Variants in ACACA observed in about 807,000 individuals in gnomAD.
ACACA encodes the protein acetyl-CoA carboxylase alpha.
Under a neutral mutation model 296.1 loss-of-function variants are expected in ACACA, and 103 were observed. That is an observed-to-expected ratio of 0.35 (90% confidence interval 0.30 to 0.41). ACACA has a LOEUF of 0.41. Ranked by LOEUF, ACACA falls within the 10% of genes least tolerant of loss-of-function variation. The probability of loss-of-function intolerance (pLI) is 1.00; values close to 1 mark genes in which losing one functional copy is unlikely to be tolerated. For synonymous variants in ACACA, 953 were observed against 1,038.6 expected (o/e 0.92, Z 1.58); for missense variants, 1,554 against 2,989.7 (o/e 0.52, Z 11.20).
At chr17:37,184,064 C>T (rs1297070261) in intron 39 of ACACA, among the ~76,000 whole-genome samples, 2 of 152,038 alleles carry the variant, frequency 1.3e-5, no homozygotes, top group African/African-American at 2.4e-5. Flanking sequence ...ATTGGTCAGA[C>T]TGGTCTCAAA....
chr17:37,271,483 C>A lies in ACACA; in HGVS notation c.1009-622G>T, dbSNP rs564894401. 5.3e-5 allele frequency among the ~76,000 whole-genome samples: 8 copies of A among 151,992 alleles called. No homozygotes were observed. In the South Asian group the frequency reaches 1.7e-3, roughly 32 times the overall value. On this transcript the variant is annotated intron_variant, in intron 9 of 55. Transcript: ENST00000616317. The stretch of plus-strand genomic sequence containing the variant: ...TGAGCCAAGATCACGCCATTGCACT[C>A]CAGCCTGGGCAACAAGAGCGAAACT...
chr17:37,104,677 C>A (rs2073562158), intron 52 of ACACA, among the ~76,000 whole-genome samples: 1 of 152,164 alleles, frequency 6.6e-6, no homozygotes. Context: ...CACGGTGGGT[C>A]ATGCCTGTAA....
intron 52 of ACACA, among the ~76,000 whole-genome samples, chr17:37,104,573 G>A (rs112708329): frequency 0.033 from 4,977 of 152,228 alleles, 220 homozygotes; most frequent in African/African-American, 0.1. Flanking sequence ...GAAAGTATCC[G>A]CAGCACAGTG....
At chr17:37,087,851 G>A (rs2072322597) in intron 55 of ACACA, among the ~76,000 whole-genome samples, 1 of 152,200 alleles carries the variant, frequency 6.6e-6, no homozygotes, top group African/African-American at 2.4e-5. Flanking sequence ...TGTGGAGGGT[G>A]TGCTGGAGTT....
chr17:37,305,221 T>C (rs904947502), intron 3 of ACACA, among the ~76,000 whole-genome samples: 1 of 152,200 alleles, frequency 6.6e-6, no homozygotes, highest in South Asian at 2.1e-4. Context: ...ATATGAACAA[T>C]TTGGATTCTG....
intron 6 of ACACA, 85 bp from the exon 7 acceptor site, chr17:37,277,199 G>T: frequency 1.7e-6 from 2 of 1,190,448 alleles, no homozygotes; most frequent in Non-Finnish European, 2.5e-6. Context: ...GGCTGGCCCT[G>T]TTTCTTGAGG....
intron 5 of ACACA, among the ~76,000 whole-genome samples, chr17:37,282,711 A>C (rs2082596677): frequency 1.3e-5 from 2 of 152,362 alleles, no homozygotes; most frequent in South Asian, 4.1e-4. Flanking sequence ...GATAGAAGGT[A>C]TGGAGAAGAA....
At chr17:37,389,323 T>C (rs776441260) in intron 1 of ACACA, 2 of 1,594,958 alleles carry the variant, frequency 1.3e-6, no homozygotes, top group East Asian at 4.5e-5. Flanking sequence ...GCCAGCCACC[T>C]GGGACAGCTG....
intron 1 of ACACA, chr17:37,388,039 C>T (rs1264087355): frequency 2.6e-5 from 4 of 152,046 alleles, no homozygotes; most frequent in African/African-American, 9.7e-5. Flanking sequence ...GTGGCGTTCG[C>T]CTGTGGTCTG....
chr17:37,113,726 A>G lies in ACACA; in HGVS notation c.6275-461T>C, dbSNP rs1449458586. Among the ~76,000 whole-genome samples, 1 of 152,206 alleles carries G rather than the reference A, an allele frequency of 6.6e-6. No individual in the cohort carries two copies. The highest frequency in any genetic ancestry group is 1.5e-5 in the Non-Finnish European group (1 of 68,038). ...CTCTTCAAATGTGCACCTAATGGAA[A>G]TTGATCCTTTAAAAATTTTATCTTC... On this transcript the variant is annotated intron_variant, in intron 50 of 55. Coordinates refer to ENST00000616317, the MANE Select transcript of ACACA (RefSeq NM_198834.3). The surrounding 1 kb of genome is among the most constrained non-coding windows in gnomAD (Gnocchi z 4.0).
At chr17:37,353,757 T>G (rs146651221) in intron 1 of ACACA, among the ~76,000 whole-genome samples, 2,568 of 151,934 alleles carry the variant, frequency 0.017, 41 homozygotes, top group Middle Eastern at 0.044. Flanking sequence ...TTATATTTCT[T>G]GAGAAAGACT....
intron 3 of ACACA, among the ~76,000 whole-genome samples, chr17:37,319,273 G>C (rs925969179): frequency 8.5e-5 from 13 of 152,154 alleles, no homozygotes; most frequent in Admixed American, 7.9e-4. Flanking sequence ...TGAATAGAGT[G>C]TGTATATTAA....
intron 45 of ACACA, among the ~76,000 whole-genome samples, chr17:37,146,223 C>T (rs1003910463): frequency 2.0e-5 from 3 of 152,136 alleles, no homozygotes; most frequent in Non-Finnish European, 4.4e-5. Context: ...AGGCTAATGA[C>T]AGGCAACATC....
chr17:37,286,926 C>T (rs2082803644), intron 3 of ACACA, among the ~76,000 whole-genome samples: 1 of 152,196 alleles, frequency 6.6e-6, no homozygotes, highest in African/African-American at 2.4e-5. Flanking sequence ...GTTATTAACT[C>T]TGGGGTACCT....
At chr17:37,320,964 A>G (rs1412790773) in intron 3 of ACACA, among the ~76,000 whole-genome samples, 1 of 152,104 alleles carries the variant, frequency 6.6e-6, no homozygotes, top group Non-Finnish European at 1.5e-5. Context: ...AAAGAAAAAA[A>G]AAAATTGTGG....
intron 40 of ACACA, 82 bp downstream of exon 40, chr17:37,181,119 C>A (rs552949355): frequency 6.6e-7 from 1 of 1,522,888 alleles, no homozygotes; most frequent in African/African-American, 1.4e-5. Flanking sequence ...GTGCCCCCTT[C>A]TAGCCAAAAC....
chr17:37,382,321 T>C (rs2050330897), intron 1 of ACACA, among the ~76,000 whole-genome samples: 1 of 151,918 alleles, frequency 6.6e-6, no homozygotes, highest in African/African-American at 2.4e-5. Flanking sequence ...CCTTCTGCCC[T>C]CCTTTCCTTT....
At chr17:37,170,637 C>T (rs1273791702) in intron 41 of ACACA, among the ~76,000 whole-genome samples, 1 of 152,100 alleles carries the variant, frequency 6.6e-6, no homozygotes, top group Admixed American at 6.5e-5. Flanking sequence ...TGTATTTTTT[C>T]TGCTGGGAGG....
intron 21 of ACACA, 63 bp downstream of exon 21, chr17:37,244,525 G>A (rs1213317697): frequency 2.5e-6 from 4 of 1,583,832 alleles, no homozygotes; most frequent in Non-Finnish European, 3.5e-6. Flanking sequence ...ATGAGACTTG[G>A]AACTATTTTG....
Sources: allele counts gnomAD v4.1 joint callset (sites outside exome capture counted in the v4.1 genomes callset), GRCh38; gene constraint gnomAD v4.1.1; non-coding constraint Gnocchi (gnomAD v3.1); transcripts MANE v1.5; gene names NCBI Gene and HGNC (gene_info 2026-07-23, HGNC 2026-07-21).